Variants in FBXL2 observed in about 807,000 individuals in gnomAD.
The protein encoded by FBXL2 is F-box/LRR-repeat protein 2.
FBXL2 carries 38 observed loss-of-function variants against 69.2 expected under a neutral mutation model. That is an observed-to-expected ratio of 0.55 (90% CI 0.42 to 0.72). The LOEUF (loss-of-function observed/expected upper bound fraction) is 0.72, where lower values mean the gene tolerates loss of function less well. Ranked by LOEUF, FBXL2 falls within the 30% of genes least tolerant of loss-of-function variation. The pLI, the probability that FBXL2 is intolerant of heterozygous loss-of-function variation, is 0.00. For synonymous variants in FBXL2, 192 were observed against 201.3 expected (o/e 0.95, Z 0.39); for missense variants, 354 against 520.3 (o/e 0.68, Z 3.11).
intron 12 of FBXL2, chr3:33,396,125 T>A (rs2043982803): frequency 6.6e-7 from 1 of 1,505,764 alleles, no homozygotes. Flanking sequence ...TCTGACAGTC[T>A]CAGAAGTGAC....
intron 12 of FBXL2, chr3:33,393,575 A>AT (rs1319459951): frequency 1.1e-6 from 1 of 890,074 alleles, no homozygotes; most frequent in Admixed American, 3.7e-5. Flanking sequence ...GTAAAAAAAC[A>AT]TTTTAAATGG....
In FBXL2 at chr3:33,304,101, C is replaced by T. The variant is rs535442270; in HGVS notation, c.65+6376C>T. ...TTACTAACATATATTTGCAAAAGCA[C>T]ACTGAGGCATATATACAGGATGATT... On this transcript the variant is annotated intron_variant, in intron 2 of 14. Coordinates refer to ENST00000484457, the MANE Select transcript of FBXL2 (RefSeq NM_012157.5). 5.3e-5 allele frequency among the ~76,000 whole-genome samples: 8 copies of T among 152,110 alleles called. No individual in the cohort carries two copies. The South Asian group carries it at 1.5e-3, about 28-fold the overall frequency.
At chr3:33,338,146 T>C (rs1394164985) in intron 2 of FBXL2, among the ~76,000 whole-genome samples, 1 of 152,152 alleles carries the variant, frequency 6.6e-6, no homozygotes, top group Admixed American at 6.5e-5. Flanking sequence ...GCATGGTGGC[T>C]CACACCTGTA....
At chr3:33,393,135 A>G in intron 12 of FBXL2, 2 of 687,392 alleles carry the variant, frequency 2.9e-6, no homozygotes, top group South Asian at 2.8e-5. Flanking sequence ...ATTCCATATT[A>G]TCACTAGGAT....
At chr3:33,300,457 C>T (rs2036170137) in intron 2 of FBXL2, 1 of 152,074 alleles carries the variant, frequency 6.6e-6, no homozygotes. Context: ...GAAAGAATTG[C>T]CATTTGTGAG....
intron 2 of FBXL2, among the ~76,000 whole-genome samples, chr3:33,323,942 A>G (rs192130734): frequency 7.8e-4 from 119 of 152,224 alleles, no homozygotes; most frequent in Admixed American, 3.7e-3. Context: ...GAGCGTTCCT[A>G]TTTCTCCACA....
chr3:33,317,431 G>A (rs959832382), intron 2 of FBXL2: 2 of 456,214 alleles, frequency 4.4e-6, no homozygotes, highest in African/African-American at 4.0e-5. Flanking sequence ...GGTACTTAAT[G>A]GTTTTGTTAC....
At chr3:33,301,564 T>C (rs1287956288) in intron 2 of FBXL2, among the ~76,000 whole-genome samples, 1 of 152,202 alleles carries the variant, frequency 6.6e-6, no homozygotes, top group Non-Finnish European at 1.5e-5. Flanking sequence ...TTTACGAATA[T>C]ATATTATTTA....
In FBXL2 at chr3:33,385,667, C is replaced by T. The variant is rs1231478833; in HGVS notation, c.*59C>T. 3.0e-6 allele frequency: 4 copies of T among 1,349,052 alleles called. No individual in the cohort carries two copies. In the African/African-American group the frequency reaches 5.8e-5, roughly 19 times the overall value. The allele number at this position is 1,349,052 out of a possible 1,614,324, so 83.6% of individuals were successfully genotyped here. ...ATCCTTTCCTCTAGAAGACCTGAGTCTTCCTGACCGACTCCACCATCACCC... is the reference window on the plus strand; with the variant it reads ...ATCCTTTCCTCTAGAAGACCTGAGTTTTCCTGACCGACTCCACCATCACCC... On this transcript the variant is annotated 3_prime_UTR_variant, in exon 15 of 15. Coordinates refer to ENST00000484457, the MANE Select transcript of FBXL2 (RefSeq NM_012157.5).
chr3:33,335,560 G>A (rs2039511226), intron 2 of FBXL2, among the ~76,000 whole-genome samples: 3 of 152,044 alleles, frequency 2.0e-5, no homozygotes, highest in African/African-American at 7.2e-5. Context: ...AATTTAGAAA[G>A]ACAGGAAAGG....
At chr3:33,316,363 C>T (rs921311040) in intron 2 of FBXL2, among the ~76,000 whole-genome samples, 2 of 152,038 alleles carry the variant, frequency 1.3e-5, no homozygotes, top group African/African-American at 2.4e-5. Flanking sequence ...CGAGCCACCA[C>T]GCCTAGCCTC....
At chr3:33,288,014 A>G (rs941848245) in intron 1 of FBXL2, among the ~76,000 whole-genome samples, 5 of 151,944 alleles carry the variant, frequency 3.3e-5, no homozygotes, top group Non-Finnish European at 7.4e-5. Flanking sequence ...CTACACTTTT[A>G]TTGCTGTTTT....
At chr3:33,392,395 A>T, downstream of FBXL2, 1 of 591,066 alleles carries the variant, frequency 1.7e-6, no homozygotes, top group Non-Finnish European at 2.8e-6. Context: ...CCTCTTCCTT[A>T]TATGCTAATT....
intron 1 of FBXL2, among the ~76,000 whole-genome samples, chr3:33,281,053 A>T (rs971404156): frequency 8.5e-5 from 13 of 152,256 alleles, no homozygotes; most frequent in East Asian, 3.9e-4. Flanking sequence ...TTTAATTTTT[A>T]AATTTTTTAA....
At chr3:33,329,245 A>T (rs927803048) in intron 2 of FBXL2, among the ~76,000 whole-genome samples, 1 of 152,184 alleles carries the variant, frequency 6.6e-6, no homozygotes, top group Admixed American at 6.5e-5. Flanking sequence ...AAGTGCTTTT[A>T]TCAAAAAGAT....
intron 5 of FBXL2, among the ~76,000 whole-genome samples, chr3:33,371,064 T>G (rs1190286828): frequency 6.6e-6 from 1 of 152,214 alleles, no homozygotes; most frequent in Non-Finnish European, 1.5e-5. Flanking sequence ...TTTTGATAGT[T>G]GCTATTGCTA....
intron 2 of FBXL2, among the ~76,000 whole-genome samples, chr3:33,336,076 T>C (rs1027911358): frequency 6.6e-6 from 1 of 152,194 alleles, no homozygotes; most frequent in African/African-American, 2.4e-5. Context: ...AGTTTTTTGT[T>C]TGGAAGTTGG....
At chr3:33,348,761 T>G (rs986124871) in intron 2 of FBXL2, among the ~76,000 whole-genome samples, 2 of 152,094 alleles carry the variant, frequency 1.3e-5, no homozygotes, top group Non-Finnish European at 2.9e-5. Flanking sequence ...TATCTTTCTG[T>G]TTTTTTGTGT....
At chr3:33,315,247 CCTTT>C (rs1366098323) in intron 2 of FBXL2, among the ~76,000 whole-genome samples, 1 of 117,902 alleles carries the variant, frequency 8.5e-6, no homozygotes, top group African/African-American at 3.2e-5. Flanking sequence ...TCTTTTTTTT[CCTTT>C]CTTTCTTTTC....
Sources: gnomAD v4.1 joint callset for allele counts (sites outside exome capture counted in the v4.1 genomes callset) on GRCh38, gnomAD v4.1.1 for gene constraint, MANE v1.5 for transcripts, NCBI Gene and HGNC (gene_info 2026-07-23, HGNC 2026-07-21) for gene names.